PCDHA8: variants seen among roughly 807,000 people sequenced by gnomAD.
The protein encoded by PCDHA8 is protocadherin alpha-8.
A neutral mutation model predicts 61.8 loss-of-function variants in PCDHA8; 53 were observed. The observed-to-expected ratio is 0.86, with a 90% CI of 0.69 to 1.08. PCDHA8 has a LOEUF of 1.08. Ranked by LOEUF, PCDHA8 falls within the 50% of genes least tolerant of loss-of-function variation. PCDHA8 has a pLI of 0.00. For missense variants in PCDHA8, 1,293 were observed against 1,245.0 expected (o/e 1.04, Z -0.58); for synonymous variants, 618 against 556.6 (o/e 1.11, Z -1.55).
In PCDHA8 at chr5:141,000,054, A is replaced by G. The variant is rs189634054; in HGVS notation, c.2543-9573A>G. On this transcript the variant is annotated intron_variant, in intron 3 of 3. Coordinates refer to ENST00000531613, the MANE Select transcript of PCDHA8 (RefSeq NM_018911.3). ...CCAATCACACACACACCACTCTCCC[A>G]GCTGCTCTGTAGATCACAATGCTAG... Among the ~76,000 whole-genome samples the G allele has an allele frequency of 4.0e-3, 609 of 152,230 alleles. 3 individuals carry two copies. Among genetic ancestry groups the G allele is most frequent in the African/African-American group, 0.014 (564 of 41,556 alleles).
intron 1 of PCDHA8, chr5:140,863,574 T>C (rs1162134770): frequency 2.7e-6 from 1 of 367,398 alleles, no homozygotes; most frequent in Non-Finnish European, 5.3e-6. Flanking sequence ...ATATAAGTAC[T>C]GTAATCCTGG....
intron 1 of PCDHA8, chr5:140,850,650 A>C (rs2150492229): frequency 6.3e-7 from 1 of 1,598,426 alleles, no homozygotes; most frequent in East Asian, 2.2e-5. Flanking sequence ...GCTGCTGTAC[A>C]CTGTGCTGCG....
chr5:140,876,034 A>G, intron 1 of PCDHA8: 1 of 1,613,792 alleles, frequency 6.2e-7, no homozygotes, highest in Admixed American at 1.7e-5. Flanking sequence ...AAAAAAAGAT[A>G]AAAGTATATT....
At chr5:140,860,671 T>G (rs1339790199) in intron 1 of PCDHA8, 4 of 152,218 alleles carry the variant, frequency 2.6e-5, no homozygotes, top group Non-Finnish European at 2.9e-5. Flanking sequence ...TGAAATCAAA[T>G]GCACTTATGT....
rs2150401369 is a variant in PCDHA8, at chr5:140,847,510, G to A, written c.2394+3795G>A. On this transcript the variant is annotated intron_variant, in intron 1 of 3. Transcript: ENST00000531613. The stretch of plus-strand genomic sequence containing the variant: ...GTAAAACTCACAACAAAACTTTGTA[G>A]AACTTAGTCAGGAAAAGAATCTCAA... The A allele has an allele frequency of 4.2e-4, 63 of 149,756 alleles. 2 individuals carry two copies. Among genetic ancestry groups the A allele is most frequent in the African/African-American group, 1.5e-3 (63 of 41,018 alleles). The allele number at this position is 149,756 out of a possible 1,614,324, so 9.3% of individuals were successfully genotyped here.
chr5:140,902,599 G>T (rs981296505), intron 1 of PCDHA8, among the ~76,000 whole-genome samples: 3 of 152,024 alleles, frequency 2.0e-5, no homozygotes, highest in African/African-American at 7.2e-5. Flanking sequence ...GAAACAGGTC[G>T]TTTTCAGTTA....
At chr5:140,847,142 A>C (rs1780872222) in intron 1 of PCDHA8, among the ~76,000 whole-genome samples, 1 of 149,820 alleles carries the variant, frequency 6.7e-6, no homozygotes, top group South Asian at 2.1e-4. Flanking sequence ...CAATGTAAGA[A>C]GATCTCTTGA....
intron 1 of PCDHA8, among the ~76,000 whole-genome samples, chr5:140,846,665 C>T (rs1299063371): frequency 3.4e-5 from 5 of 149,130 alleles, no homozygotes; most frequent in East Asian, 3.9e-4. Context: ...TGAGCCACCG[C>T]GCCCAGCCTA....
intron 3 of PCDHA8, among the ~76,000 whole-genome samples, chr5:140,989,715 G>A (rs2097356088): frequency 6.6e-6 from 1 of 152,166 alleles, no homozygotes; most frequent in Non-Finnish European, 1.5e-5. Flanking sequence ...GAGGCAGTCA[G>A]CTTTGCAGTT....
intron 1 of PCDHA8, among the ~76,000 whole-genome samples, chr5:140,943,465 GA>G (rs1412044069): frequency 6.6e-6 from 1 of 152,022 alleles, no homozygotes. Flanking sequence ...CTAAATGTGG[GA>G]GATACAGTAA....
chr5:140,884,798 A>C, intron 1 of PCDHA8: 3 of 1,275,332 alleles, frequency 2.4e-6, no homozygotes, highest in Non-Finnish European at 3.2e-6. Flanking sequence ...TATCGAATTT[A>C]ACAACTCTGC....
chr5:141,004,403 C>T (rs1424370254), intron 3 of PCDHA8, among the ~76,000 whole-genome samples: 1 of 152,166 alleles, frequency 6.6e-6, no homozygotes, highest in Non-Finnish European at 1.5e-5. Flanking sequence ...GGAGGAGGCA[C>T]CTGACTAGAT....
intron 1 of PCDHA8, among the ~76,000 whole-genome samples, chr5:140,925,576 A>G (rs1157907719): frequency 2.0e-5 from 3 of 151,872 alleles, no homozygotes; most frequent in African/African-American, 7.3e-5. Flanking sequence ...CAGCACACCA[A>G]CATGGCGCAT....
chr5:140,918,817 A>C (rs1554198772), intron 1 of PCDHA8, among the ~76,000 whole-genome samples: 1 of 62,248 alleles, frequency 1.6e-5, no homozygotes, highest in Non-Finnish European at 2.7e-5. Context: ...TGAACCAAAA[A>C]GTGGCCCCCT....
At chr5:140,989,802 G>C (rs2153885493) in intron 3 of PCDHA8, among the ~76,000 whole-genome samples, 2 of 152,336 alleles carry the variant, frequency 1.3e-5, no homozygotes, top group South Asian at 4.1e-4. Flanking sequence ...CCAGGAAAGG[G>C]CCATAAGATT....
intron 1 of PCDHA8, chr5:140,884,593 C>A: frequency 6.2e-7 from 1 of 1,614,162 alleles, no homozygotes; most frequent in Non-Finnish European, 8.5e-7. Flanking sequence ...TCAGTCCCAG[C>A]CTTCCTCCTT....
At chr5:140,920,842 A>T (rs1377558160) in intron 1 of PCDHA8, among the ~76,000 whole-genome samples, 3 of 127,576 alleles carry the variant, frequency 2.4e-5, no homozygotes, top group Non-Finnish European at 5.0e-5. Context: ...GACCAAATCT[A>T]AAAAAAAAAA....
At position 140,977,766 on chromosome 5, in the gene PCDHA8, G is replaced by C. The variant is rs559146656; in HGVS notation, c.2395-1183G>C. ...AAGAAATGTGTTTATTAAATACTTTGCATCCCTTAAAGGAACTATATGAAT... is the reference window on the plus strand; with the variant it reads ...AAGAAATGTGTTTATTAAATACTTTCCATCCCTTAAAGGAACTATATGAAT... On this transcript the variant is annotated intron_variant, in intron 1 of 3. Coordinates refer to ENST00000531613, the MANE Select transcript of PCDHA8 (RefSeq NM_018911.3). Among the ~76,000 whole-genome samples, 3 of 152,272 alleles carry C rather than the reference G, an allele frequency of 2.0e-5. No homozygotes were observed. In the South Asian group the frequency reaches 6.2e-4, roughly 32 times the overall value.
intron 1 of PCDHA8, chr5:140,927,555 C>T (rs1554204727): frequency 8.7e-6 from 14 of 1,614,058 alleles, no homozygotes; most frequent in East Asian, 2.2e-5. Flanking sequence ...AAGTCACCAT[C>T]ATTGTGGTGG....
Sources: allele counts gnomAD v4.1 joint callset (sites outside exome capture counted in the v4.1 genomes callset), GRCh38; gene constraint gnomAD v4.1.1; transcripts MANE v1.5; gene names NCBI Gene and HGNC (gene_info 2026-07-23, HGNC 2026-07-21).